USH2A: variants seen among roughly 807,000 people sequenced by gnomAD.
USH2A encodes the protein usherin.
Under a neutral mutation model 538.9 loss-of-function variants are expected in USH2A, and 443 were observed. That is an observed-to-expected ratio of 0.82 (90% CI 0.76 to 0.89). The LOEUF is 0.89. USH2A is among the 40% of genes least tolerant of loss of function. USH2A has a pLI of 0.00. For missense variants in USH2A, 6,633 were observed against 6,324.8 expected (o/e 1.05, Z -1.65); for synonymous variants, 2,413 against 2,273.5 (o/e 1.06, Z -1.75).
chr1:216,264,284 C>A (rs1351438035), intron 11 of USH2A, among the ~76,000 whole-genome samples: 1 of 151,828 alleles, frequency 6.6e-6, no homozygotes, highest in South Asian at 2.1e-4. Context: ...ACCATAAAGA[C>A]CCAGAATAGA....
chr1:215,705,058 A>T (rs1659148170), intron 61 of USH2A, among the ~76,000 whole-genome samples: 1 of 152,234 alleles, frequency 6.6e-6, no homozygotes, highest in Admixed American at 6.5e-5. Flanking sequence ...AGCTGTTTTA[A>T]AAATATTTAT....
intron 13 of USH2A, among the ~76,000 whole-genome samples, chr1:216,238,334 G>A (rs538645816): frequency 2.9e-4 from 44 of 152,034 alleles, no homozygotes; most frequent in Admixed American, 9.2e-4. Flanking sequence ...CTCGGGATGC[G>A]TTGACATCCT....
At chr1:216,048,704 G>T in intron 30 of USH2A, 57 bp from the exon 31 acceptor site, 2 of 1,385,944 alleles carry the variant, frequency 1.4e-6, no homozygotes, top group Non-Finnish European at 2.1e-6. Context: ...TCAATAAAGA[G>T]CATTGTGTGT....
rs138046020 is a variant in USH2A at position 216,304,232 on chromosome 1, T to C, written c.1645-11862A>G. On this transcript the variant is annotated intron_variant, in intron 9 of 71. Transcript: ENST00000307340. The stretch of plus-strand genomic sequence containing the variant: ...GTCCTGTTTTCCACAAGGAATACAT[T>C]TGAAGACCTCCAGTAGATGCCAGAT... Among the ~76,000 whole-genome samples, 596 of 152,124 alleles carry C rather than the reference T, an allele frequency of 3.9e-3. 4 individuals are homozygous for C. The highest frequency in any genetic ancestry group is 0.014 in the African/African-American group (563 of 41,552).
At chr1:216,059,122 C>T (rs1437557754) in intron 30 of USH2A, among the ~76,000 whole-genome samples, 1 of 152,042 alleles carries the variant, frequency 6.6e-6, no homozygotes, top group Non-Finnish European at 1.5e-5. Context: ...AGAGAGAATA[C>T]ATATATAGAG....
At chr1:215,823,566 ATATTTCTC>A (rs1433862733) in intron 47 of USH2A, among the ~76,000 whole-genome samples, 4 of 151,834 alleles carry the variant, frequency 2.6e-5, no homozygotes, top group Non-Finnish European at 5.9e-5. Flanking sequence ...CTATATCTGG[ATATTTCTC>A]TGTTTCTTAC....
At chr1:216,402,433 CAG>C (rs2039322691) in intron 3 of USH2A, among the ~76,000 whole-genome samples, 1 of 152,044 alleles carries the variant, frequency 6.6e-6, no homozygotes, top group South Asian at 2.1e-4. Context: ...TTGAACTACA[CAG>C]ATTCACTTAT....
At chr1:216,147,272 G>A (rs1256138680) in intron 21 of USH2A, among the ~76,000 whole-genome samples, 1 of 150,738 alleles carries the variant, frequency 6.6e-6, no homozygotes, top group East Asian at 1.9e-4. Context: ...CTCAGCCTCT[G>A]CTCCTCCACC....
chr1:216,335,146 C>G (rs531056813), intron 4 of USH2A, among the ~76,000 whole-genome samples: 15 of 151,558 alleles, frequency 9.9e-5, no homozygotes, highest in Admixed American at 2.0e-4. Flanking sequence ...ATAACAGAAG[C>G]AAATTTGTAA....
At chr1:216,228,807 AC>A (rs938651345) in intron 14 of USH2A, among the ~76,000 whole-genome samples, 1 of 152,136 alleles carries the variant, frequency 6.6e-6, no homozygotes, top group Non-Finnish European at 1.5e-5. Flanking sequence ...AGGTAATCTC[AC>A]CACCCCCATC....
intron 37 of USH2A, among the ~76,000 whole-genome samples, chr1:215,938,219 T>C (rs1240772133): frequency 6.6e-6 from 1 of 152,124 alleles, no homozygotes; most frequent in Non-Finnish European, 1.5e-5. Flanking sequence ...TAATGTTCTC[T>C]CACCCCTACA....
chr1:216,376,407 CA>C (rs2038821586), intron 3 of USH2A, among the ~76,000 whole-genome samples: 3 of 151,556 alleles, frequency 2.0e-5, no homozygotes, highest in Admixed American at 2.0e-4. Context: ...TGTGGGAAAA[CA>C]GAAAAAAACA....
intron 9 of USH2A, among the ~76,000 whole-genome samples, chr1:216,294,394 TTG>T (rs568352068): frequency 5.5e-4 from 84 of 152,168 alleles, no homozygotes; most frequent in African/African-American, 1.8e-3. Flanking sequence ...TACATGGGTA[TTG>T]TGTTATTAAA....
rs760084505 is a variant in USH2A, at chr1:215,844,327, T to C, written c.9225A>G (p.Arg3075=). Residue 3075 remains arginine (R), a synonymous_variant, in exon 46 of 72, where the codon AGA becomes AGG. Transcript: ENST00000307340. ...CATAGATAGTGAAGGGAGACAGGTC[T>C]CTCAGAATAAACGACCCAGGCACAT... is the stretch of plus-strand genomic sequence containing the variant. ...GMNVPGSFIL[R]DLSPFTIYDI... is the part of the protein sequence containing the mutation. 5 of 1,613,770 alleles carry C rather than the reference T, an allele frequency of 3.1e-6. No homozygotes were observed. In the South Asian group the frequency reaches 5.5e-5, roughly 18 times the overall value.
intron 37 of USH2A, among the ~76,000 whole-genome samples, chr1:215,943,239 A>G (rs192946472): frequency 3.3e-5 from 5 of 152,266 alleles, no homozygotes; most frequent in Admixed American, 2.0e-4. Context: ...CAAAATAACC[A>G]TGTAGTTTGG....
chr1:215,890,595 A>G (rs146769915), intron 40 of USH2A, among the ~76,000 whole-genome samples: 1 of 152,344 alleles, frequency 6.6e-6, no homozygotes, highest in East Asian at 1.9e-4. Context: ...CAGTCATGGT[A>G]TAAATCACAC....
intron 61 of USH2A, among the ~76,000 whole-genome samples, chr1:215,713,579 T>C (rs1428677951): frequency 6.6e-6 from 1 of 152,224 alleles, no homozygotes; most frequent in Non-Finnish European, 1.5e-5. Flanking sequence ...TTTCTTTGCC[T>C]GAATAAGGTA....
intron 61 of USH2A, among the ~76,000 whole-genome samples, chr1:215,697,900 C>T (rs1036913438): frequency 9.2e-5 from 14 of 152,166 alleles, no homozygotes; most frequent in African/African-American, 3.4e-4. Context: ...CATAGGTATA[C>T]ATGTGCCATG....
chr1:216,201,882 A>G, intron 16 of USH2A: 1 of 160,474 alleles, frequency 6.2e-6, no homozygotes. Flanking sequence ...TAGAAGAGAC[A>G]GGGGAAAGTC....
Sources: allele counts gnomAD v4.1 joint callset (sites outside exome capture counted in the v4.1 genomes callset), GRCh38; gene constraint gnomAD v4.1.1; transcripts MANE v1.5; gene names NCBI Gene and HGNC (gene_info 2026-07-23, HGNC 2026-07-21).